KRABD3: variants seen among roughly 807,000 people sequenced by gnomAD.
KRABD3 encodes KRAB domain-containing protein 3.
the KRABD3 span, among the ~76,000 whole-genome samples, chr7:149,718,146 C>T: frequency 6.6e-6 from 1 of 152,158 alleles, no homozygotes; most frequent in East Asian, 2.0e-4. Flanking sequence ...GGGGCTCACG[C>T]CTGTAATCCT....
chr7:149,721,713 G>A, the KRABD3 span: 6 of 782,712 alleles, frequency 7.7e-6, no homozygotes, highest in African/African-American at 1.7e-5. Flanking sequence ...AGCCTCTGGT[G>A]TAACCACCAA....
the KRABD3 span, among the ~76,000 whole-genome samples, chr7:149,724,050 G>A: frequency 2.6e-5 from 4 of 152,320 alleles, no homozygotes; most frequent in South Asian, 4.1e-4. Context: ...TAAGTGGAGC[G>A]AGCTGTGTGG....
chr7:149,729,352 T>G, the KRABD3 span: 2 of 1,524,652 alleles, frequency 1.3e-6, no homozygotes, highest in East Asian at 2.5e-5. Flanking sequence ...GCCAGGAGTG[T>G]GGAGGTGGCT....
At chr7:149,715,243 C>T in the KRABD3 span, 1 of 1,218,114 alleles carries the variant, frequency 8.2e-7, no homozygotes, top group Non-Finnish European at 1.0e-6. Flanking sequence ...CTCCAGCTCT[C>T]CGCCGCCGGT....
the KRABD3 span, chr7:149,730,178 C>A: frequency 1.3e-6 from 2 of 1,568,446 alleles, no homozygotes; most frequent in East Asian, 2.3e-5. Context: ...CGCTGCACTG[C>A]CTGGAGAGCG....
the KRABD3 span, chr7:149,731,717 C>T: frequency 6.2e-7 from 1 of 1,612,438 alleles, no homozygotes; most frequent in Non-Finnish European, 8.5e-7. Context: ...GAGAAAAGGC[C>T]CAGGGTTAGT....
chr7:149,724,402 G>A, the KRABD3 span, among the ~76,000 whole-genome samples: 1 of 152,152 alleles, frequency 6.6e-6, no homozygotes, highest in African/African-American at 2.4e-5. Context: ...GACATGATTG[G>A]TGCTGTCTGG....
the KRABD3 span, chr7:149,733,534 A>G: frequency 6.3e-7 from 1 of 1,596,670 alleles, no homozygotes; most frequent in Admixed American, 1.7e-5. Context: ...TCCCACGGGG[A>G]CCTCGCTGGG....
the KRABD3 span, chr7:149,725,892 A>G: frequency 2.5e-6 from 4 of 1,583,040 alleles, no homozygotes; most frequent in Non-Finnish European, 3.4e-6. Context: ...TACAGAAGCG[A>G]CCAGAGAGCC....
the KRABD3 span, chr7:149,721,058 G>GGCACT: frequency 6.4e-7 from 1 of 1,554,542 alleles, no homozygotes; most frequent in African/African-American, 1.4e-5. Context: ...ACAAGTCCAC[G>GGCACT]GCACTGCACT....
chr7:149,726,201 C>T, the KRABD3 span: 41 of 733,958 alleles, frequency 5.6e-5, 1 homozygote, highest in African/African-American at 3.7e-4. Context: ...GGAGCAGATG[C>T]GGGACTTATC....
At chr7:149,724,496 C>G in the KRABD3 span, among the ~76,000 whole-genome samples, 7 of 152,278 alleles carry the variant, frequency 4.6e-5, no homozygotes, top group Admixed American at 4.6e-4. Context: ...ACTCAGGTCT[C>G]TGCTGGTGAT....
chr7:149,723,938 C>A, the KRABD3 span: 7 of 1,598,226 alleles, frequency 4.4e-6, no homozygotes, highest in East Asian at 1.1e-4. Flanking sequence ...TCCTACATTA[C>A]CCTGCCCCAG....
At chr7:149,720,812 G>A in the KRABD3 span, 10 of 1,564,226 alleles carry the variant, frequency 6.4e-6, no homozygotes, top group Non-Finnish European at 8.6e-6. Flanking sequence ...GGGTGCGGGG[G>A]GGTCACTGTG....
chr7:149,731,933 C>A, the KRABD3 span, among the ~76,000 whole-genome samples: 2 of 152,210 alleles, frequency 1.3e-5, no homozygotes, highest in Non-Finnish European at 2.9e-5. Flanking sequence ...TGTTTTATCA[C>A]AGAAGCAGTT....
the KRABD3 span, chr7:149,720,170 G>A: frequency 1.5e-5 from 23 of 1,548,428 alleles, no homozygotes; most frequent in African/African-American, 6.9e-5. Flanking sequence ...CCCACTCATC[G>A]GTCCTCAGCC....
the KRABD3 span, chr7:149,723,910 TG>T: frequency 6.2e-7 from 1 of 1,610,814 alleles, no homozygotes; most frequent in Non-Finnish European, 8.5e-7. Flanking sequence ...CTCGCTGGGC[TG>T]GGAGGGCCCC....
chr7:149,728,606 C>T, the KRABD3 span: 1 of 1,613,732 alleles, frequency 6.2e-7, no homozygotes, highest in Non-Finnish European at 8.5e-7. Context: ...GCCTGCCTGG[C>T]CCTGCTCCTC....
At chr7:149,714,966 G>T in the KRABD3 span, 1 of 1,117,390 alleles carries the variant, frequency 8.9e-7, no homozygotes, top group South Asian at 4.5e-5. Flanking sequence ...CTCCTGCGCG[G>T]ACCTGGGCCG....
Sources: gnomAD v4.1 joint callset for allele counts (sites outside exome capture counted in the v4.1 genomes callset) on GRCh38, gnomAD v4.1.1 for gene constraint, MANE v1.5 for transcripts, NCBI Gene and HGNC (gene_info 2026-07-23, HGNC 2026-07-21) for gene names.